PACRG: variants seen among roughly 807,000 people sequenced by gnomAD.
The protein encoded by PACRG is parkin coregulated gene protein.
A neutral mutation model predicts 29.7 loss-of-function variants in PACRG; 29 were observed. The observed-to-expected ratio is 0.98, with a 90% CI of 0.73 to 1.33. The LOEUF is 1.33. Ranked by LOEUF, PACRG falls within the 40% of genes most tolerant of loss-of-function variation. The probability of loss-of-function intolerance (pLI) is 0.00; values close to 1 mark genes in which losing one functional copy is unlikely to be tolerated. For missense variants in PACRG, 279 were observed against 316.2 expected, an observed-to-expected ratio of 0.88 and a Z score of 0.89; for synonymous variants, 116 against 118.7, an observed-to-expected ratio of 0.98 and a Z score of 0.15.
chr6:162,861,587 G>A (rs1057105546), intron 2 of PACRG, among the ~76,000 whole-genome samples: 4 of 152,078 alleles, frequency 2.6e-5, no homozygotes, highest in South Asian at 4.1e-4. Flanking sequence ...GAGTGAAGTC[G>A]TCAACACAAG....
At chr6:162,767,352 A>G (rs544288803) in intron 1 of PACRG, among the ~76,000 whole-genome samples, 1 of 152,070 alleles carries the variant, frequency 6.6e-6, no homozygotes, top group African/African-American at 2.4e-5. Flanking sequence ...CAGAATCATT[A>G]TATCCTTCTG....
chr6:163,131,410 C>T (rs943800431), intron 4 of PACRG, among the ~76,000 whole-genome samples: 4 of 151,972 alleles, frequency 2.6e-5, no homozygotes, highest in African/African-American at 9.7e-5. Flanking sequence ...AAGAATGCCC[C>T]GTGAAGATGG....
intron 2 of PACRG, among the ~76,000 whole-genome samples, chr6:163,025,997 T>A (rs1201266165): frequency 6.6e-6 from 1 of 152,224 alleles, no homozygotes; most frequent in East Asian, 1.9e-4. Flanking sequence ...ATTCTAAAAT[T>A]TATAGGGAAC....
At chr6:162,967,663 C>T (rs560220338) in intron 2 of PACRG, among the ~76,000 whole-genome samples, 19 of 152,026 alleles carry the variant, frequency 1.2e-4, no homozygotes, top group African/African-American at 4.3e-4. Flanking sequence ...CCTGCCACCA[C>T]GCCCGGCTAA....
chr6:162,903,069 T>C (rs773442604), intron 2 of PACRG, among the ~76,000 whole-genome samples: 8 of 152,316 alleles, frequency 5.3e-5, no homozygotes, highest in Non-Finnish European at 1.2e-4. Flanking sequence ...AATGTTTTAT[T>C]GTTGCTACCT....
At chr6:162,926,702 C>G (rs891522356) in intron 2 of PACRG, among the ~76,000 whole-genome samples, 2 of 152,014 alleles carry the variant, frequency 1.3e-5, no homozygotes, top group African/African-American at 4.8e-5. Flanking sequence ...CACAGAAACC[C>G]TAGAAGAAAA....
chr6:162,942,806 T>C (rs914909905), intron 2 of PACRG, among the ~76,000 whole-genome samples: 4 of 152,174 alleles, frequency 2.6e-5, no homozygotes, highest in South Asian at 2.1e-4. Context: ...GGCTTCAAGA[T>C]AGCTAACTGG....
chr6:162,787,619 T>C lies in PACRG; in HGVS notation c.157-26528T>C, dbSNP rs1037042172. 1.3e-4 allele frequency among the ~76,000 whole-genome samples: 18 copies of C among 138,088 alleles called. 1 individual carries two copies. The highest frequency in any genetic ancestry group is 2.5e-4 in the Non-Finnish European group (16 of 63,506). 90.6% of individuals were successfully genotyped at this position (138,088 alleles called of 152,430 possible). On this transcript the variant is annotated intron_variant, in intron 1 of 4. Transcript: ENST00000366888. ...ATATATATATATATATATATATATA[T>C]ATGGTTGTCCTCTCTCTTTTGCTAG...
At chr6:163,082,593 G>A (rs1424423877) in intron 3 of PACRG, among the ~76,000 whole-genome samples, 4 of 152,200 alleles carry the variant, frequency 2.6e-5, no homozygotes, top group Non-Finnish European at 4.4e-5. Context: ...ATATGTCTAT[G>A]GAAAAGATAG....
At chr6:162,884,101 A>G (rs1405136787) in intron 2 of PACRG, among the ~76,000 whole-genome samples, 2 of 152,118 alleles carry the variant, frequency 1.3e-5, no homozygotes, top group South Asian at 2.1e-4. Flanking sequence ...CGGGCCTGCC[A>G]CCACACCTGG....
chr6:163,186,952 C>T (rs1779968019), intron 4 of PACRG, among the ~76,000 whole-genome samples: 1 of 152,190 alleles, frequency 6.6e-6, no homozygotes, highest in Non-Finnish European at 1.5e-5. Context: ...CCGGGCTCTG[C>T]GCCATCAGCG....
At chr6:162,990,331 T>C (rs948065491) in intron 2 of PACRG, among the ~76,000 whole-genome samples, 1 of 151,862 alleles carries the variant, frequency 6.6e-6, no homozygotes, top group Non-Finnish European at 1.5e-5. Context: ...CCACAATGGT[T>C]GAACTAGTTT....
At chr6:162,978,204 G>A (rs1025317973) in intron 2 of PACRG, among the ~76,000 whole-genome samples, 3 of 152,006 alleles carry the variant, frequency 2.0e-5, no homozygotes, top group Admixed American at 1.3e-4. Flanking sequence ...CAGCATGAAT[G>A]CTCATTACTT....
rs183396281 is a variant in PACRG at position 163,260,842 on chromosome 6, C to T, written c.614-53985C>T. ...GCTGCTTAACCCTTCCATGCTCGTTCCCTGTGGGGACACAGCGTGTTGGCC... is the reference window on the plus strand; with the variant it reads ...GCTGCTTAACCCTTCCATGCTCGTTTCCTGTGGGGACACAGCGTGTTGGCC... On this transcript the variant is annotated intron_variant, in intron 4 of 4. Transcript: ENST00000366888. Among the ~76,000 whole-genome samples the T allele has an allele frequency of 2.5e-3, 376 of 152,334 alleles. 2 individuals carry two copies. Among genetic ancestry groups the T allele is most frequent in the Non-Finnish European group, 4.6e-3 (312 of 68,034 alleles).
intron 2 of PACRG, among the ~76,000 whole-genome samples, chr6:162,949,346 C>G (rs963427908): frequency 7.9e-5 from 12 of 152,060 alleles, no homozygotes; most frequent in Non-Finnish European, 1.5e-4. Flanking sequence ...ATACCAGAGA[C>G]TGGGAAGGAT....
chr6:162,951,216 A>AAG (rs1357877581), intron 2 of PACRG, among the ~76,000 whole-genome samples: 4 of 152,230 alleles, frequency 2.6e-5, no homozygotes, highest in African/African-American at 9.6e-5. Context: ...CTACAGAATA[A>AAG]AGAAAGGGTT....
chr6:163,086,462 T>C (rs1813568631), intron 3 of PACRG, among the ~76,000 whole-genome samples: 2 of 152,310 alleles, frequency 1.3e-5, no homozygotes, highest in South Asian at 4.1e-4. Context: ...ATCATGCTGC[T>C]GAGTTCTATG....
chr6:163,121,065 A>G (rs1816243774), intron 4 of PACRG, among the ~76,000 whole-genome samples: 1 of 152,230 alleles, frequency 6.6e-6, no homozygotes, highest in Admixed American at 6.5e-5. Context: ...ACATAACAAC[A>G]TCACTACAAA....
intron 4 of PACRG, among the ~76,000 whole-genome samples, chr6:163,130,042 G>T (rs960750386): frequency 6.6e-6 from 1 of 152,174 alleles, no homozygotes; most frequent in African/African-American, 2.4e-5. Context: ...GGTTCCTGGG[G>T]ACATAGTGGG....
Sources: gnomAD v4.1 joint callset for allele counts (sites outside exome capture counted in the v4.1 genomes callset) on GRCh38, gnomAD v4.1.1 for gene constraint, MANE v1.5 for transcripts, NCBI Gene and HGNC (gene_info 2026-07-23, HGNC 2026-07-21) for gene names.